The following KDM4C variants were observed in gnomAD, a reference collection of about 807,000 sequenced individuals.
KDM4C encodes lysine demethylase 4C.
Under a neutral mutation model 129.3 loss-of-function variants are expected in KDM4C, and 81 were observed. That is an observed-to-expected ratio of 0.63 (90% CI 0.52 to 0.75). KDM4C has a LOEUF of 0.75. Ranked by LOEUF, KDM4C falls within the 30% of genes least tolerant of loss-of-function variation. The probability of loss-of-function intolerance (pLI) is 0.00; values close to 1 mark genes in which losing one functional copy is unlikely to be tolerated. For missense variants in KDM4C, 1,457 were observed against 1,304.0 expected, an observed-to-expected ratio of 1.12 and a Z score of -1.81; for synonymous variants, 573 against 456.1, an observed-to-expected ratio of 1.26 and a Z score of -3.26.
upstream of KDM4C, among the ~76,000 whole-genome samples, chr9:6,756,997 G>A (rs994157694): frequency 6.6e-6 from 1 of 152,102 alleles, no homozygotes; most frequent in Non-Finnish European, 1.5e-5. Context: ...AGACGTTAGA[G>A]AAAACGCCAC....
At chr9:7,114,997 T>C (rs368511693) in intron 18 of KDM4C, among the ~76,000 whole-genome samples, 8 of 152,132 alleles carry the variant, frequency 5.3e-5, no homozygotes, top group African/African-American at 1.9e-4. Context: ...TAGGATCACT[T>C]GAGCCCAGGA....
At chr9:6,790,717 G>A (rs555061298) in intron 1 of KDM4C, among the ~76,000 whole-genome samples, 5 of 139,138 alleles carry the variant, frequency 3.6e-5, no homozygotes, top group African/African-American at 7.9e-5. Context: ...TTTGTTGTTT[G>A]TGCTGTCAGA....
chr9:7,077,102 G>C, intron 17 of KDM4C: 1 of 985,448 alleles, frequency 1.0e-6, no homozygotes, highest in Non-Finnish European at 1.2e-6. Flanking sequence ...CTATCTGGGT[G>C]ATATATGCTA....
At chr9:6,757,561 C>T, upstream of KDM4C, 1 of 920,660 alleles carries the variant, frequency 1.1e-6, no homozygotes, top group Non-Finnish European at 1.3e-6. Context: ...CTGCGAGCCC[C>T]GACTTTCTCG....
chr9:6,972,880 C>A (rs1403572157), intron 8 of KDM4C, among the ~76,000 whole-genome samples: 1 of 152,218 alleles, frequency 6.6e-6, no homozygotes, highest in Non-Finnish European at 1.5e-5. Context: ...TGTAAGAACA[C>A]TGAAATCCAT....
intron 17 of KDM4C, among the ~76,000 whole-genome samples, chr9:7,055,880 G>C (rs1830799620): frequency 6.6e-6 from 1 of 152,182 alleles, no homozygotes; most frequent in African/African-American, 2.4e-5. Context: ...CTTTCTGAAA[G>C]AATCAAGGTT....
rs1199216217 is a variant in KDM4C at position 6,835,846 on chromosome 9, G to A, written c.436-13661G>A. ...TTTTTTAATAGTCATTCCAAATATCGTGAGATGCATTGTTACAGGAAGTTG... is the reference window on the plus strand; with the variant it reads ...TTTTTTAATAGTCATTCCAAATATCATGAGATGCATTGTTACAGGAAGTTG... On this transcript the variant is annotated intron_variant, in intron 4 of 21. Transcript: ENST00000381309. Among the ~76,000 whole-genome samples, 3 of 151,870 alleles carry A rather than the reference G, an allele frequency of 2.0e-5. 1 individual carries two copies. Among genetic ancestry groups the A allele is most frequent in the South Asian group, 4.2e-4 (2 of 4,816 alleles).
intron 8 of KDM4C, among the ~76,000 whole-genome samples, chr9:6,900,662 T>G (rs1817244904): frequency 6.6e-6 from 1 of 152,208 alleles, no homozygotes; most frequent in African/African-American, 2.4e-5. Context: ...AATGGACATG[T>G]TATTTTGGAT....
chr9:6,720,981 T>A, exon 1 of KDM4C: 1 of 1,551,654 alleles, frequency 6.4e-7, no homozygotes, highest in South Asian at 1.2e-5. Context: ...GGAAGAGGAC[T>A]GAAGAAGCAG....
chr9:6,875,304 G>A (rs530594628), intron 5 of KDM4C, among the ~76,000 whole-genome samples: 1 of 152,284 alleles, frequency 6.6e-6, no homozygotes, highest in African/African-American at 2.4e-5. Context: ...AGGCAGGAAG[G>A]TAGAAATACA....
chr9:6,760,445 G>GTGTA (rs139577101), intron 1 of KDM4C, among the ~76,000 whole-genome samples: 2 of 142,534 alleles, frequency 1.4e-5, no homozygotes, highest in South Asian at 2.3e-4. Context: ...CTACTCTTGG[G>GTGTA]TATATATATA....
chr9:7,173,556 G>A (rs1240413691), intron 21 of KDM4C, among the ~76,000 whole-genome samples: 2 of 152,190 alleles, frequency 1.3e-5, no homozygotes, highest in Admixed American at 6.5e-5. Context: ...AGCATTTATT[G>A]CAGTGCTTTG....
chr9:6,777,870 T>C (rs1823419716), intron 1 of KDM4C, among the ~76,000 whole-genome samples: 1 of 151,920 alleles, frequency 6.6e-6, no homozygotes. Context: ...GGATAACTAG[T>C]CCCATCATTC....
At chr9:6,926,322 G>A (rs1049133185) in intron 8 of KDM4C, among the ~76,000 whole-genome samples, 1 of 97,774 alleles carries the variant, frequency 1.0e-5, no homozygotes, top group African/African-American at 3.4e-5. Context: ...TGGAGAAGCA[G>A]TTGTAGAGAG....
intron 16 of KDM4C, among the ~76,000 whole-genome samples, chr9:7,048,464 A>G (rs909095539): frequency 6.6e-6 from 1 of 152,098 alleles, no homozygotes; most frequent in African/African-American, 2.4e-5. Context: ...GAGACATTTA[A>G]TAGTATTAAC....
At chr9:7,025,184 C>T (rs1044845289) in intron 15 of KDM4C, among the ~76,000 whole-genome samples, 1 of 152,158 alleles carries the variant, frequency 6.6e-6, no homozygotes, top group African/African-American at 2.4e-5. Context: ...GCTACTCCAG[C>T]TCTTTTTTGC....
intron 1 of KDM4C, among the ~76,000 whole-genome samples, chr9:6,759,888 C>A (rs1170983853): frequency 6.6e-6 from 1 of 150,742 alleles, no homozygotes; most frequent in Non-Finnish European, 1.5e-5. Flanking sequence ...TTGCCGTGAG[C>A]CGAGATGGCA....
chr9:7,121,325 C>T (rs1564144161), intron 18 of KDM4C, among the ~76,000 whole-genome samples: 1 of 152,166 alleles, frequency 6.6e-6, no homozygotes, highest in Admixed American at 6.5e-5. Context: ...TGTGATCTCT[C>T]ATCTCCAACA....
chr9:6,774,910 C>G (rs886569177), intron 1 of KDM4C, among the ~76,000 whole-genome samples: 7 of 152,082 alleles, frequency 4.6e-5, no homozygotes, highest in African/African-American at 1.7e-4. Flanking sequence ...ATGGATTTGT[C>G]TTTTATGCAT....
Sources: allele counts gnomAD v4.1 joint callset (sites outside exome capture counted in the v4.1 genomes callset), GRCh38; gene constraint gnomAD v4.1.1; transcripts MANE v1.5; gene names NCBI Gene and HGNC (gene_info 2026-07-23, HGNC 2026-07-21).